The following ZCCHC8 variants were observed in gnomAD, a reference collection of about 807,000 sequenced individuals.
ZCCHC8 encodes zinc finger CCHC-type containing 8.
Under a neutral mutation model 70.6 loss-of-function variants are expected in ZCCHC8, and 27 were observed. That is an observed-to-expected ratio of 0.38 (90% confidence interval 0.28 to 0.53). The LOEUF (loss-of-function observed/expected upper bound fraction) is 0.53, where lower values mean the gene tolerates loss of function less well. ZCCHC8 is among the 20% of genes least tolerant of loss of function. The pLI, the probability that ZCCHC8 is intolerant of heterozygous loss-of-function variation, is 0.81. For missense variants in ZCCHC8, 737 were observed against 876.9 expected (o/e 0.84, Z 2.01); for synonymous variants, 293 against 317.4 (o/e 0.92, Z 0.82).
At chr12:122,493,635 C>T (rs963025652) in intron 2 of ZCCHC8, among the ~76,000 whole-genome samples, 7 of 150,378 alleles carry the variant, frequency 4.7e-5, no homozygotes, top group East Asian at 2.0e-4. Flanking sequence ...ATTTGTGAGA[C>T]GGAGTCTCAC....
At chr12:122,477,672 T>A (rs987613731) in intron 13 of ZCCHC8, among the ~76,000 whole-genome samples, 169 bp downstream of exon 13, 6 of 148,158 alleles carry the variant, frequency 4.0e-5, no homozygotes, top group African/African-American at 1.5e-4. Flanking sequence ...ATGCCTGTAA[T>A]CCCAACTACT....
rs536335732 is a variant in ZCCHC8 at position 122,496,829 on chromosome 12, A to G, written c.242+1998T>C. ...CACAAAGTTAGCTCACATAGAGAAAAAAGGGTGAGATATGAGGAAGTTAAT... is the reference window on the plus strand; with the variant it reads ...CACAAAGTTAGCTCACATAGAGAAAGAAGGGTGAGATATGAGGAAGTTAAT... On this transcript the variant is annotated intron_variant, in intron 2 of 13. Coordinates refer to ENST00000633063, the MANE Select transcript of ZCCHC8 (RefSeq NM_017612.5). Among the ~76,000 whole-genome samples the G allele has an allele frequency of 1.2e-4, 19 of 152,264 alleles. No homozygotes were observed. The South Asian group carries it at 3.5e-3, about 28-fold the overall frequency.
Position 122,477,906 on chromosome 12 carries a change from C to T in ZCCHC8, c.1280G>A (p.Ser427Asn). Residue 427 changes from serine to asparagine, a missense_variant, in exon 13 of 14, where the codon AGT becomes AAT. Transcript: ENST00000633063. ...GCTTTCATTCTTCTGCTTCTTTGGA[C>T]TACCTGGGCTAGAGTGAGATGAAGA... Reference protein sequence around the residue: ...KRSSSHSSPGSPKKQKNESNS... With the variant: ...KRSSSHSSPGNPKKQKNESNS... The T allele has an allele frequency of 6.2e-7, 1 of 1,613,766 alleles. No individual in the cohort carries two copies. The highest frequency in any genetic ancestry group is 8.5e-7 in the Non-Finnish European group (1 of 1,179,806).
intron 11 of ZCCHC8, 76 bp downstream of exon 11, chr12:122,480,114 C>T: frequency 7.3e-7 from 1 of 1,370,298 alleles, no homozygotes; most frequent in Non-Finnish European, 1.0e-6. Context: ...GCCTAGCCAA[C>T]AAGTTAATAT....
In ZCCHC8 at chr12:122,472,625, A is replaced by C. The variant is rs1266423061; in HGVS notation, c.*872T>G. The C allele has an allele frequency of 6.6e-6, 1 of 152,122 alleles. No homozygotes were observed. Among genetic ancestry groups the C allele is most frequent in the African/African-American group, 2.4e-5 (1 of 41,430 alleles). 9.4% of individuals were successfully genotyped at this position (152,122 alleles called of 1,614,324 possible). ...GATCACCTGAAGTCAGGAGGTCAAG[A>C]CCAGCCTGACCCGACGTGGAGAAAC... is the stretch of plus-strand genomic sequence containing the variant. On this transcript the variant is annotated 3_prime_UTR_variant, in exon 14 of 14. Coordinates refer to ENST00000633063, the MANE Select transcript of ZCCHC8 (RefSeq NM_017612.5).
chr12:122,473,558 A>G lies in ZCCHC8; in HGVS notation c.2063T>C (p.Ile688Thr). The change falls in exon 14 of 14, where the codon ATA becomes ACA. Residue 688 changes from isoleucine (I) to threonine (T), a missense_variant. Coordinates refer to ENST00000633063, the MANE Select transcript of ZCCHC8 (RefSeq NM_017612.5). ...GGGTGAGTTCTTTAACAAGCTTCTT[A>G]TCCTGAGGTACATTCCAGTAGATTC... ...MAESTGMYLRIRSLLKNSPRN... is the reference protein window; with the variant it reads ...MAESTGMYLRTRSLLKNSPRN... The G allele has an allele frequency of 6.2e-7, 1 of 1,614,010 alleles. No homozygotes were observed. The highest frequency in any genetic ancestry group is 8.5e-7 in the Non-Finnish European group (1 of 1,179,890).
chr12:122,478,971 A>C (rs756628068), intron 11 of ZCCHC8, among the ~76,000 whole-genome samples: 10 of 152,240 alleles, frequency 6.6e-5, no homozygotes, highest in Admixed American at 1.3e-4. Context: ...TGAATTACAC[A>C]GTCTTGCGTG....
At chr12:122,474,413 T>C (rs1467938702) in intron 13 of ZCCHC8, 138 bp from the exon 14 acceptor site, 1 of 729,580 alleles carries the variant, frequency 1.4e-6, no homozygotes, top group African/African-American at 1.8e-5. Context: ...AATTCTGGAT[T>C]CTCAGGTGCC....
intron 10 of ZCCHC8, 97 bp from the exon 11 acceptor site, chr12:122,480,408 A>G: frequency 2.8e-6 from 3 of 1,073,938 alleles, no homozygotes; most frequent in Non-Finnish European, 3.7e-6. Context: ...TAATCATGGC[A>G]ACAGAATTAG....
chr12:122,479,067 A>T (rs1957478848), intron 11 of ZCCHC8, among the ~76,000 whole-genome samples: 1 of 152,156 alleles, frequency 6.6e-6, no homozygotes, highest in Non-Finnish European at 1.5e-5. Context: ...AACACCAAGG[A>T]TACACTTTTT....
At chr12:122,474,398 A>T (rs1427956453) in intron 13 of ZCCHC8, 123 bp from the exon 14 acceptor site, 4 of 906,990 alleles carry the variant, frequency 4.4e-6, no homozygotes, top group African/African-American at 1.7e-5. Context: ...GCTTAACATG[A>T]GGGAAATTCT....
chr12:122,500,375 C>G lies in ZCCHC8; in HGVS notation c.199+267G>C. The G allele has an allele frequency of 3.9e-6, 2 of 506,370 alleles. No individual in the cohort carries two copies. Among genetic ancestry groups the G allele is most frequent in the South Asian group, 4.8e-5 (2 of 41,422 alleles). 31.4% of individuals were successfully genotyped at this position (506,370 alleles called of 1,614,324 possible). On this transcript the variant is annotated intron_variant, in intron 1 of 13. Coordinates refer to ENST00000633063, the MANE Select transcript of ZCCHC8 (RefSeq NM_017612.5). This position sits in a 1 kb window ranked among gnomAD's most constrained non-coding sequence, Gnocchi z 4.8. ...GTCAGGTGAGCAGCCTAAAATAACC[C>G]TAAACACGGCACCCGGGTGGGAGGC...
intron 5 of ZCCHC8, among the ~76,000 whole-genome samples, chr12:122,486,239 C>G (rs1957634995): frequency 6.6e-6 from 1 of 151,374 alleles, no homozygotes; most frequent in Non-Finnish European, 1.5e-5. Context: ...ATGGTGAAAC[C>G]CCATCTCTAC....
intron 2 of ZCCHC8, among the ~76,000 whole-genome samples, chr12:122,494,624 G>A (rs1957799149): frequency 6.6e-6 from 1 of 151,802 alleles, no homozygotes; most frequent in African/African-American, 2.4e-5. Flanking sequence ...GGGAGGCCGA[G>A]GCGGGTGGAT....
rs1167017280 is a variant in ZCCHC8, at chr12:122,473,705, C to T, written c.1916G>A (p.Gly639Asp). Residue 639 changes from glycine to aspartate, a missense_variant, in exon 14 of 14, where the codon GGC (glycine) becomes GAC (aspartate). Transcript: ENST00000633063. ...VVPNCDISNGGSQKLFPADTS... is the reference protein window; with the variant it reads ...VVPNCDISNGDSQKLFPADTS... ...GTCTGCAGGAAAGAGCTTCTGGCTG[C>T]CCCCATTGCTGATGTCACAGTTTGG... 6 of 1,613,948 alleles carry T rather than the reference C, an allele frequency of 3.7e-6. No homozygotes were observed. Among genetic ancestry groups the T allele is most frequent in the Non-Finnish European group, 5.1e-6 (6 of 1,179,872 alleles).
rs556397728 is a variant in ZCCHC8 at position 122,498,829 on chromosome 12, C to T, written c.240G>A (p.Pro80=). The T allele has an allele frequency of 1.2e-5, 20 of 1,613,266 alleles. No individual in the cohort carries two copies. The East Asian group carries it at 2.7e-4, about 22-fold the overall frequency. ...GAGTAATTTCAAAAATCTCATACCT[C>T]GGTCGAGTCAGAATGTTCAATTTTC... ...LKRKLNILTR[P]SGILVNDTKL... is the part of the protein sequence containing the mutation. Residue 80 remains proline, a splice_region_variant and synonymous_variant, in exon 2 of 14, where the codon CCG becomes CCA. Coordinates refer to ENST00000633063, the MANE Select transcript of ZCCHC8 (RefSeq NM_017612.5).
Position 122,483,206 on chromosome 12 carries a change from C to T in ZCCHC8, c.671+73G>A. The T allele has an allele frequency of 7.0e-7, 1 of 1,425,846 alleles. No homozygotes were observed. 88.3% of individuals were successfully genotyped at this position (1,425,846 alleles called of 1,614,324 possible). A position where few individuals can be genotyped will look rare whatever the true frequency, so the allele number is the denominator to read the frequency against. ...GTAAACCAGCAGTAAAGAACATGAA[C>T]TTTTCAAGCCAAAAGTTTATGATTT... On this transcript the variant is annotated intron_variant, in intron 7 of 13. Coordinates refer to ENST00000633063, the MANE Select transcript of ZCCHC8 (RefSeq NM_017612.5). The surrounding 1 kb of genome is among the most constrained non-coding windows in gnomAD (Gnocchi z 4.4).
At chr12:122,478,341 G>A in intron 11 of ZCCHC8, 49 bp from the exon 12 acceptor site, 3 of 1,394,914 alleles carry the variant, frequency 2.2e-6, no homozygotes, top group Non-Finnish European at 2.0e-6. Context: ...TTTGGAAAAT[G>A]TCATGTTTTG....
intron 5 of ZCCHC8, among the ~76,000 whole-genome samples, chr12:122,485,131 G>A (rs537556754): frequency 1.3e-5 from 2 of 152,156 alleles, no homozygotes; most frequent in Non-Finnish European, 2.9e-5. Flanking sequence ...TTTTTGAGAC[G>A]GAGTTTCGCT....
Sources: allele counts gnomAD v4.1 joint callset (sites outside exome capture counted in the v4.1 genomes callset), GRCh38; gene constraint gnomAD v4.1.1; non-coding constraint Gnocchi (gnomAD v3.1); transcripts MANE v1.5; gene names NCBI Gene and HGNC (gene_info 2026-07-23, HGNC 2026-07-21).